Variants in TDRD3 observed in about 807,000 individuals in gnomAD.
TDRD3 encodes the protein tudor domain-containing protein 3.
Under a neutral mutation model 86.7 loss-of-function variants are expected in TDRD3, and 45 were observed. The ratio of observed to expected loss-of-function variants is 0.52; its 90% confidence interval spans 0.41 to 0.67. The LOEUF (loss-of-function observed/expected upper bound fraction) is 0.67, where lower values mean the gene tolerates loss of function less well. Ranked by LOEUF, TDRD3 falls within the 30% of genes least tolerant of loss-of-function variation. The pLI is 0.00. For missense variants in TDRD3, 814 were observed against 889.0 expected (o/e 0.92, Z 1.07); for synonymous variants, 298 against 301.7 (o/e 0.99, Z 0.13).
chr13:60,538,174 C>T (rs866386160), intron 12 of TDRD3: 3 of 151,846 alleles, frequency 2.0e-5, no homozygotes, highest in East Asian at 1.9e-4. Flanking sequence ...TTCTCCTTTT[C>T]GTGTGGATAT....
chr13:60,398,548 A>G (rs1199134458), intron 1 of TDRD3, among the ~76,000 whole-genome samples: 1 of 152,230 alleles, frequency 6.6e-6, no homozygotes. Context: ...TTTGATCAGT[A>G]GAGGGATATA....
chr13:60,543,298 G>A (rs2137859420), intron 12 of TDRD3, among the ~76,000 whole-genome samples: 1 of 152,148 alleles, frequency 6.6e-6, no homozygotes, highest in Middle Eastern at 3.4e-3. Context: ...CCTGCTTGGG[G>A]TTTTCTGAAG....
intron 12 of TDRD3, chr13:60,547,212 T>C (rs758488719): frequency 1.7e-5 from 17 of 984,272 alleles, no homozygotes; most frequent in Non-Finnish European, 1.9e-5. Flanking sequence ...CTCATGACAT[T>C]GTTCACCACT....
chr13:60,518,002 G>A (rs1250100201), intron 10 of TDRD3, among the ~76,000 whole-genome samples: 1 of 152,216 alleles, frequency 6.6e-6, no homozygotes. Flanking sequence ...AGTTTGAAAT[G>A]TTCTGGTTTA....
intron 3 of TDRD3, among the ~76,000 whole-genome samples, chr13:60,449,198 T>C (rs529218972): frequency 6.6e-6 from 1 of 152,260 alleles, no homozygotes; most frequent in African/African-American, 2.4e-5. Flanking sequence ...AAAAAAGTTT[T>C]AACTTTTGAT....
At chr13:60,411,768 G>A (rs1485464392) in intron 1 of TDRD3, among the ~76,000 whole-genome samples, 1 of 152,168 alleles carries the variant, frequency 6.6e-6, no homozygotes, top group African/African-American at 2.4e-5. Context: ...CTGGTAGCTT[G>A]TTAGAAGTGT....
chr13:60,533,743 G>T (rs1214087895), intron 11 of TDRD3, among the ~76,000 whole-genome samples: 1 of 152,138 alleles, frequency 6.6e-6, no homozygotes, highest in Non-Finnish European at 1.5e-5. Flanking sequence ...TGTTTTTTGT[G>T]TCCATTTCAC....
chr13:60,424,571 G>T (rs1478958888), intron 1 of TDRD3, among the ~76,000 whole-genome samples: 1 of 152,010 alleles, frequency 6.6e-6, no homozygotes, highest in East Asian at 1.9e-4. Context: ...CAGCTACTCC[G>T]AAGGCTGAGG....
At chr13:60,498,391 A>G (rs568335622) in intron 8 of TDRD3, among the ~76,000 whole-genome samples, 1 of 152,190 alleles carries the variant, frequency 6.6e-6, no homozygotes, top group Non-Finnish European at 1.5e-5. Flanking sequence ...ATCAAAGGCA[A>G]GGTTAAGCGT....
At chr13:60,563,160 G>A (rs577290201) in intron 12 of TDRD3, among the ~76,000 whole-genome samples, 48 of 151,806 alleles carry the variant, frequency 3.2e-4, no homozygotes, top group Non-Finnish European at 5.7e-4. Flanking sequence ...CCTGGAAGGC[G>A]GAGGTTGCCT....
chr13:60,453,814 G>A (rs904645534), intron 3 of TDRD3, among the ~76,000 whole-genome samples: 3 of 152,080 alleles, frequency 2.0e-5, no homozygotes, highest in African/African-American at 7.2e-5. Context: ...TTAAAAATAC[G>A]GCATTTCTAT....
chr13:60,547,371 A>G (rs1957961032), intron 12 of TDRD3: 1 of 985,230 alleles, frequency 1.0e-6, no homozygotes, highest in South Asian at 4.7e-5. Flanking sequence ...TCTTGGGCAA[A>G]TTACTTCCAC....
chr13:60,444,085 A>C, intron 2 of TDRD3, among the ~76,000 whole-genome samples: 1 of 151,910 alleles, frequency 6.6e-6, no homozygotes, highest in Admixed American at 6.6e-5. Context: ...GTTGAGTTAC[A>C]GGTACTTCTG....
At chr13:60,473,430 T>C (rs1293359508) in intron 5 of TDRD3, among the ~76,000 whole-genome samples, 1 of 152,232 alleles carries the variant, frequency 6.6e-6, no homozygotes, top group Non-Finnish European at 1.5e-5. Flanking sequence ...ATGATTCTGT[T>C]ATCTGCATTA....
chr13:60,524,317 G>A (rs1957357175), intron 10 of TDRD3, among the ~76,000 whole-genome samples: 1 of 151,972 alleles, frequency 6.6e-6, no homozygotes, highest in Admixed American at 6.6e-5. Context: ...GACCAGCCTG[G>A]CCAATATGGT....
intron 1 of TDRD3, among the ~76,000 whole-genome samples, chr13:60,414,593 G>A (rs1391209171): frequency 6.6e-6 from 1 of 152,094 alleles, no homozygotes; most frequent in Non-Finnish European, 1.5e-5. Flanking sequence ...AAAATAACTT[G>A]CCAAGAAAAC....
At chr13:60,536,820 C>T (rs1180463935) in intron 12 of TDRD3, 2 of 152,140 alleles carry the variant, frequency 1.3e-5, no homozygotes, top group East Asian at 1.9e-4. Context: ...TTATTCCTTA[C>T]TGTAGCTCTT....
intron 12 of TDRD3, chr13:60,537,731 T>A (rs1214803246): frequency 1.3e-5 from 2 of 152,088 alleles, no homozygotes; most frequent in African/African-American, 2.4e-5. Flanking sequence ...GTGGAATTTT[T>A]AATTTTTTAA....
chr13:60,451,744 G>A (rs775946252), intron 3 of TDRD3, among the ~76,000 whole-genome samples: 1 of 152,054 alleles, frequency 6.6e-6, no homozygotes, highest in African/African-American at 2.4e-5. Flanking sequence ...TTGTATATGA[G>A]ATTCAATTGA....
Sources: gnomAD v4.1 joint callset for allele counts (sites outside exome capture counted in the v4.1 genomes callset) on GRCh38, gnomAD v4.1.1 for gene constraint, MANE v1.5 for transcripts, NCBI Gene and HGNC (gene_info 2026-07-23, HGNC 2026-07-21) for gene names.